ESRRG: variants seen among roughly 807,000 people sequenced by gnomAD.
The protein encoded by ESRRG is estrogen related receptor gamma, also known as estrogen-related receptor gamma.
In ESRRG, 13 loss-of-function variants were observed where a neutral mutation model predicts 44.0. That is an observed-to-expected ratio of 0.30 (90% CI 0.19 to 0.47). ESRRG has a LOEUF of 0.47. Among genes scored for constraint, ESRRG ranks in the 20% least tolerant of loss-of-function variants. The pLI, the probability that ESRRG is intolerant of heterozygous loss-of-function variation, is 1.00. For synonymous variants in ESRRG, 215 were observed against 214.6 expected (o/e 1.00, Z -0.02); for missense variants, 395 against 580.6 (o/e 0.68, Z 3.29).
In ESRRG at chr1:216,503,672, C is replaced by T. The variant is rs910164207; in HGVS notation, c.*3267G>A. 1 of 152,440 alleles carries T rather than the reference C, an allele frequency of 6.6e-6. No homozygotes were observed. The highest frequency in any genetic ancestry group is 2.4e-5 in the African/African-American group (1 of 41,390). The allele number at this position is 152,440 out of a possible 1,614,324, so 9.4% of individuals were successfully genotyped here. A position where few individuals can be genotyped will look rare whatever the true frequency, so the allele number is the denominator to read the frequency against. ...AATAATTAAAATACAATCACCAACA[C>T]CCATTTTCTCTTCTATAAGAAAAAT... On this transcript the variant is annotated 3_prime_UTR_variant, in exon 7 of 7. Coordinates refer to ENST00000408911, the MANE Select transcript of ESRRG (RefSeq NM_001438.4).
At chr1:217,036,889 C>T (rs7549615) in intron 1 of ESRRG, among the ~76,000 whole-genome samples, 4,984 of 152,020 alleles carry the variant, frequency 0.033, 223 homozygotes, top group Admixed American at 0.11. Context: ...CAGTCAGCAG[C>T]GTGACACTTC....
At chr1:216,733,619 C>T (rs1039481229) in intron 2 of ESRRG, among the ~76,000 whole-genome samples, 3 of 151,994 alleles carry the variant, frequency 2.0e-5, no homozygotes, top group African/African-American at 4.8e-5. Flanking sequence ...GCAAAAAAAG[C>T]GGTGGGTTCC....
chr1:216,723,291 C>T lies in ESRRG; in HGVS notation c.9G>A (p.Ser3=), dbSNP rs764107964. 1.2e-6 allele frequency: 2 copies of T among 1,613,816 alleles called. No individual in the cohort carries two copies. Among genetic ancestry groups the T allele is most frequent in the African/African-American group, 2.7e-5 (2 of 74,872 alleles). ...AAGATTCAGGAAGGCAAAGTTCTAC[C>T]GAATCCATGTGCGACCGGCAACCAT... is the stretch of plus-strand genomic sequence containing the variant. MD[S]VELCLPESFS... Residue 3 remains serine (S), a synonymous_variant, in exon 1 of 7, where the codon TCG becomes TCA. Transcript: ENST00000408911.
At chr1:216,831,580 G>C (rs1044517686) in intron 2 of ESRRG, among the ~76,000 whole-genome samples, 1 of 151,770 alleles carries the variant, frequency 6.6e-6, no homozygotes, top group African/African-American at 2.4e-5. Flanking sequence ...AAGAGAAAGA[G>C]ATTACTAAAT....
chr1:216,937,888 T>G (rs2064418697), intron 2 of ESRRG, among the ~76,000 whole-genome samples: 1 of 150,370 alleles, frequency 6.7e-6, no homozygotes, highest in East Asian at 2.0e-4. Context: ...AGATTTACCT[T>G]TTCCAAACTG....
chr1:216,627,697 C>G (rs944346545), intron 3 of ESRRG, among the ~76,000 whole-genome samples: 2 of 152,100 alleles, frequency 1.3e-5, no homozygotes, highest in South Asian at 4.1e-4. Context: ...AACGGCTACT[C>G]CATCAAGAAA....
chr1:216,999,654 T>A (rs2076779973), intron 1 of ESRRG, among the ~76,000 whole-genome samples: 1 of 152,212 alleles, frequency 6.6e-6, no homozygotes, highest in Non-Finnish European at 1.5e-5. Flanking sequence ...CTGAAAAATC[T>A]GTAGATTCGC....
At chr1:217,102,859 G>A (rs1355332654) in intron 1 of ESRRG, among the ~76,000 whole-genome samples, 1 of 152,258 alleles carries the variant, frequency 6.6e-6, no homozygotes. Flanking sequence ...AAGGTGGCAT[G>A]TAGGGGCGGG....
intron 3 of ESRRG, among the ~76,000 whole-genome samples, chr1:216,613,929 G>A (rs11572731): frequency 6.6e-6 from 1 of 151,924 alleles, no homozygotes; most frequent in South Asian, 2.1e-4. Context: ...CATTTTCCCC[G>A]CTTTGTCCTA....
At chr1:216,666,935 C>T (rs1164783802) in intron 2 of ESRRG, among the ~76,000 whole-genome samples, 1 of 151,084 alleles carries the variant, frequency 6.6e-6, no homozygotes, top group African/African-American at 2.5e-5. Context: ...GAACTCTCCT[C>T]CCCCCAAAAA....
chr1:216,820,554 C>T (rs2095264225), intron 2 of ESRRG, among the ~76,000 whole-genome samples: 1 of 152,042 alleles, frequency 6.6e-6, no homozygotes, highest in Admixed American at 6.6e-5. Context: ...AGCCTTTCGA[C>T]TCTAGGCACT....
At chr1:216,592,477 A>T (rs780691127) in intron 3 of ESRRG, among the ~76,000 whole-genome samples, 1 of 151,702 alleles carries the variant, frequency 6.6e-6, no homozygotes, top group African/African-American at 2.4e-5. Context: ...ACATTGCTAC[A>T]ATTTCAAGAT....
At chr1:216,819,383 T>C (rs1236484792) in intron 2 of ESRRG, among the ~76,000 whole-genome samples, 1 of 140,676 alleles carries the variant, frequency 7.1e-6, no homozygotes, top group Non-Finnish European at 1.6e-5. Context: ...GTTTTCTGTA[T>C]ATCTTCTTCC....
chr1:216,655,366 A>C (rs530026652), intron 2 of ESRRG, among the ~76,000 whole-genome samples: 1 of 152,330 alleles, frequency 6.6e-6, no homozygotes, highest in Non-Finnish European at 1.5e-5. Context: ...GTACTGGCGT[A>C]CTGGCAAGTA....
At chr1:217,114,559 T>G (rs917088506) in intron 1 of ESRRG, among the ~76,000 whole-genome samples, 1 of 152,110 alleles carries the variant, frequency 6.6e-6, no homozygotes, top group Admixed American at 6.5e-5. Flanking sequence ...GTCTCAGAGT[T>G]GACTCTGAAA....
intron 1 of ESRRG, among the ~76,000 whole-genome samples, chr1:217,130,878 A>G (rs2092955465): frequency 7.5e-6 from 1 of 133,318 alleles, no homozygotes; most frequent in Non-Finnish European, 1.6e-5. Context: ...CCCACGAAGA[A>G]ATGCCTTTTA....
At chr1:216,600,319 C>A (rs1333016740) in intron 3 of ESRRG, among the ~76,000 whole-genome samples, 1 of 152,106 alleles carries the variant, frequency 6.6e-6, no homozygotes, top group Non-Finnish European at 1.5e-5. Context: ...CAAGAGTGAA[C>A]CCCCACATAA....
At chr1:217,049,545 G>GC (rs2085517675) in intron 1 of ESRRG, among the ~76,000 whole-genome samples, 1 of 152,224 alleles carries the variant, frequency 6.6e-6, no homozygotes, top group African/African-American at 2.4e-5. Flanking sequence ...TTGAGAAGGT[G>GC]CTAAGGCAGT....
At chr1:216,842,599 G>A (rs1029070658) in intron 2 of ESRRG, among the ~76,000 whole-genome samples, 5 of 152,150 alleles carry the variant, frequency 3.3e-5, no homozygotes, top group Non-Finnish European at 7.3e-5. Context: ...TCTGCCCGGA[G>A]ATGTGGCAGC....
Sources: allele counts gnomAD v4.1 joint callset (sites outside exome capture counted in the v4.1 genomes callset), GRCh38; gene constraint gnomAD v4.1.1; transcripts MANE v1.5; gene names NCBI Gene and HGNC (gene_info 2026-07-23, HGNC 2026-07-21).